The following MIPEP variants were observed in gnomAD, a reference collection of about 807,000 sequenced individuals.
The protein encoded by MIPEP is mitochondrial intermediate peptidase.
A neutral mutation model predicts 90.3 loss-of-function variants in MIPEP; 79 were observed. The observed-to-expected ratio is 0.87, with a 90% CI of 0.73 to 1.05. The LOEUF (loss-of-function observed/expected upper bound fraction) is 1.05. Among genes scored for constraint, MIPEP ranks in the 50% least tolerant of loss-of-function variants. The pLI is 0.00. For missense variants in MIPEP, 940 were observed against 905.6 expected (o/e 1.04, Z -0.49); for synonymous variants, 334 against 315.8 (o/e 1.06, Z -0.61).
intron 16 of MIPEP, among the ~76,000 whole-genome samples, chr13:23,773,898 C>T (rs1409208302): frequency 6.6e-6 from 1 of 152,024 alleles, no homozygotes; most frequent in Admixed American, 6.6e-5. Flanking sequence ...CAAATTTGAA[C>T]TCATTAAAAT....
At chr13:23,759,379 C>A (rs1952516511) in intron 17 of MIPEP, among the ~76,000 whole-genome samples, 1 of 150,992 alleles carries the variant, frequency 6.6e-6, no homozygotes, top group East Asian at 2.0e-4. Context: ...GGATACCCCA[C>A]CCCCACCAGA....
chr13:23,888,206 C>A, intron 1 of MIPEP: 2 of 375,588 alleles, frequency 5.3e-6, no homozygotes, highest in South Asian at 4.1e-5. Context: ...TAGGTCTCTT[C>A]ACACCAACTA....
chr13:23,869,932 A>C, intron 6 of MIPEP, 81 bp downstream of exon 6: 1 of 1,190,698 alleles, frequency 8.4e-7, no homozygotes, highest in Non-Finnish European at 1.1e-6. Flanking sequence ...GGATACTATT[A>C]TATTATCACT....
chr13:23,779,384 T>C (rs1952752470), intron 16 of MIPEP, among the ~76,000 whole-genome samples: 1 of 152,082 alleles, frequency 6.6e-6, no homozygotes, highest in African/African-American at 2.4e-5. Flanking sequence ...GTATCAGTGA[T>C]AATCAGCTAG....
intron 16 of MIPEP, among the ~76,000 whole-genome samples, chr13:23,792,278 A>G (rs1952904756): frequency 6.6e-6 from 1 of 152,230 alleles, no homozygotes. Context: ...CTGAACTTGT[A>G]CATCCAACTA....
intron 14 of MIPEP, among the ~76,000 whole-genome samples, chr13:23,826,840 TAC>T (rs1481689514): frequency 1.3e-5 from 2 of 152,120 alleles, no homozygotes; most frequent in Non-Finnish European, 2.9e-5. Flanking sequence ...TCTTTGAAAA[TAC>T]AGTCAGCCCT....
intron 10 of MIPEP, among the ~76,000 whole-genome samples, chr13:23,853,992 G>T (rs942114032): frequency 1.3e-5 from 2 of 151,806 alleles, no homozygotes; most frequent in Admixed American, 1.3e-4. Context: ...AAAGAAAGAA[G>T]AAAACTGAAA....
intron 16 of MIPEP, among the ~76,000 whole-genome samples, chr13:23,773,071 C>T (rs1284821576): frequency 6.6e-6 from 1 of 152,206 alleles, no homozygotes; most frequent in Non-Finnish European, 1.5e-5. Flanking sequence ...ACCATCGTCA[C>T]TAACTCCAGC....
At chr13:23,872,865 C>T (rs1425221978) in intron 5 of MIPEP, among the ~76,000 whole-genome samples, 2 of 152,274 alleles carry the variant, frequency 1.3e-5, no homozygotes, top group South Asian at 4.1e-4. Flanking sequence ...AGCAACCTTC[C>T]TTCTGAAGAT....
At chr13:23,850,188 C>T (rs985129000) in intron 10 of MIPEP, among the ~76,000 whole-genome samples, 1 of 152,196 alleles carries the variant, frequency 6.6e-6, no homozygotes, top group African/African-American at 2.4e-5. Context: ...CTATTTTTAA[C>T]TTTATCAAAA....
At chr13:23,740,293 G>C (rs1379415860) in intron 18 of MIPEP, among the ~76,000 whole-genome samples, 2 of 152,166 alleles carry the variant, frequency 1.3e-5, no homozygotes, top group African/African-American at 2.4e-5. Flanking sequence ...TGAGCCGAAT[G>C]CAGAAAGGTC....
intron 4 of MIPEP, among the ~76,000 whole-genome samples, chr13:23,876,750 T>C (rs1281095835): frequency 6.6e-6 from 1 of 152,224 alleles, no homozygotes; most frequent in Non-Finnish European, 1.5e-5. Flanking sequence ...GTTTATATAA[T>C]AAAAATCAAT....
At chr13:23,758,394 T>C (rs1404818392) in intron 17 of MIPEP, among the ~76,000 whole-genome samples, 1 of 152,238 alleles carries the variant, frequency 6.6e-6, no homozygotes, top group Admixed American at 6.5e-5. Context: ...ACTAGCTTAC[T>C]TTAACATGCC....
chr13:23,781,061 T>G (rs531735850), intron 16 of MIPEP, among the ~76,000 whole-genome samples: 2 of 152,220 alleles, frequency 1.3e-5, no homozygotes, highest in East Asian at 3.9e-4. Flanking sequence ...CTTCCCGAAC[T>G]TAGCAAGGCA....
chr13:23,870,184 T>A lies in MIPEP; in HGVS notation c.615A>T (p.Ala205=). 6.2e-7 allele frequency: 1 copy of A among 1,604,774 alleles called. No homozygotes were observed. Among genetic ancestry groups the A allele is most frequent in the African/African-American group, 1.3e-5 (1 of 74,752 alleles). The change falls in exon 6 of 19, where the codon GCA becomes GCT. Residue 205 remains alanine, a synonymous_variant. Transcript: ENST00000382172. ...CCAAGATTTTAACATTGAGGTCCAC[T>A]GCTCTTTTACGCTGTATGCAGGAGG... is the stretch of plus-strand genomic sequence containing the variant. ...IHLDKEKRKR[A]VDLNVKILDL...
chr13:23,749,820 T>C (rs544461747), intron 18 of MIPEP, among the ~76,000 whole-genome samples: 170 of 152,246 alleles, frequency 1.1e-3, no homozygotes, highest in Non-Finnish European at 2.0e-3. Context: ...AATACTGTAA[T>C]TGGTTTCTCA....
intron 16 of MIPEP, among the ~76,000 whole-genome samples, chr13:23,768,757 C>T (rs1368248762): frequency 6.6e-6 from 1 of 151,774 alleles, no homozygotes; most frequent in African/African-American, 2.4e-5. Context: ...AAACAAAAAC[C>T]CACACAAAGT....
At chr13:23,778,896 T>G (rs1416108565) in intron 16 of MIPEP, among the ~76,000 whole-genome samples, 1 of 152,204 alleles carries the variant, frequency 6.6e-6, no homozygotes, top group Non-Finnish European at 1.5e-5. Flanking sequence ...ACAGTATGCC[T>G]GAATTATCCA....
intron 10 of MIPEP, among the ~76,000 whole-genome samples, chr13:23,843,962 G>A (rs1433083888): frequency 6.6e-6 from 1 of 152,192 alleles, no homozygotes; most frequent in Non-Finnish European, 1.5e-5. Flanking sequence ...GGGAATCTGG[G>A]TGTGTTTGTG....
Sources: allele counts gnomAD v4.1 joint callset (sites outside exome capture counted in the v4.1 genomes callset), GRCh38; gene constraint gnomAD v4.1.1; transcripts MANE v1.5; gene names NCBI Gene and HGNC (gene_info 2026-07-23, HGNC 2026-07-21).